Variants in KL observed in about 807,000 individuals in gnomAD.
The protein encoded by KL is alpha-klotho.
A neutral mutation model predicts 84.2 loss-of-function variants in KL; 62 were observed. That is an observed-to-expected ratio of 0.74 (90% confidence interval 0.60 to 0.91). The LOEUF (loss-of-function observed/expected upper bound fraction) is 0.91. Among genes scored for constraint, KL ranks in the 40% least tolerant of loss-of-function variants. The probability of loss-of-function intolerance (pLI) is 0.00; values close to 1 mark genes in which losing one functional copy is unlikely to be tolerated. For missense variants in KL, 1,261 were observed against 1,305.7 expected, an observed-to-expected ratio of 0.97 and a Z score of 0.53; for synonymous variants, 528 against 528.0, an observed-to-expected ratio of 1.00 and a Z score of 0.00.
chr13:33,024,016 T>C (rs1240510266), intron 1 of KL, among the ~76,000 whole-genome samples: 1 of 152,194 alleles, frequency 6.6e-6, no homozygotes, highest in Admixed American at 6.5e-5. Context: ...CCCTTGATTT[T>C]CTCTTTCATA....
rs894318349 is a variant in KL at position 33,037,950 on chromosome 13, C to G, written c.820-15817C>G. Among the ~76,000 whole-genome samples, 12 of 152,296 alleles carry G rather than the reference C, an allele frequency of 7.9e-5. No homozygotes were observed. The South Asian group carries it at 2.5e-3, about 32-fold the overall frequency. On this transcript the variant is annotated intron_variant, in intron 1 of 4. Transcript: ENST00000380099. ...ACTAATGCACCATGCTCTTTTTATT[C>G]TGCACTTCCAAACATCTCTCAGATT... is the stretch of plus-strand genomic sequence containing the variant.
At chr13:33,025,525 G>A (rs1870741632) in intron 1 of KL, among the ~76,000 whole-genome samples, 1 of 152,288 alleles carries the variant, frequency 6.6e-6, no homozygotes, top group Non-Finnish European at 1.5e-5. Context: ...GTCAGTACAG[G>A]TGAGACAGTG....
intron 1 of KL, among the ~76,000 whole-genome samples, chr13:33,038,730 A>G (rs534000260): frequency 3.6e-4 from 55 of 152,352 alleles, no homozygotes; most frequent in African/African-American, 1.2e-3. Flanking sequence ...TAGGAAATCA[A>G]TAAGTAATCA....
At position 33,053,768 on chromosome 13, in the gene KL, C is replaced by T. The variant is rs760955806; in HGVS notation, c.821C>T (p.Ala274Val). 5 of 1,613,990 alleles carry T rather than the reference C, an allele frequency of 3.1e-6. No individual in the cohort carries two copies. In the African/African-American group the frequency reaches 5.3e-5, roughly 17 times the overall value. ...GYLVAHNLLL[A>V]HAKVWHLYNT... ...TTGCCATGGTTTTTCTCTTCATAGG[C>T]TCATGCCAAAGTCTGGCATCTCTAC... is the stretch of plus-strand genomic sequence containing the variant. The change falls in exon 2 of 5, where the codon GCT becomes GTT. Residue 274 changes from alanine to valine, a missense_variant and splice_region_variant. By Grantham distance (64) the Ala-to-Val change is moderately conservative. Transcript: ENST00000380099.
rs748656762 is a variant in KL, at chr13:33,061,272, G to C, written c.2193G>C (p.Gln731His). Reference sequence around the variant, plus strand: ...ATGGGAAAATATCCATAGCCTTGCAGGCTGATTGGATAGAACCTGCCTGCC... The same window carrying C: ...ATGGGAAAATATCCATAGCCTTGCACGCTGATTGGATAGAACCTGCCTGCC... ...AQNGKISIAL[Q>H]ADWIEPACPF... The change falls in exon 4 of 5, where the codon CAG becomes CAC. Residue 731 changes from glutamine (Q) to histidine (H), a missense_variant. Gln to His is a conservative substitution (Grantham distance 24, BLOSUM62 0). Coordinates refer to ENST00000380099, the MANE Select transcript of KL (RefSeq NM_004795.4). 1 of 1,614,238 alleles carries C rather than the reference G, an allele frequency of 6.2e-7. No individual in the cohort carries two copies. Among genetic ancestry groups the C allele is most frequent in the South Asian group, 1.1e-5 (1 of 91,078 alleles).
At chr13:33,048,976 C>T (rs971529942) in intron 1 of KL, among the ~76,000 whole-genome samples, 1 of 152,090 alleles carries the variant, frequency 6.6e-6, no homozygotes, top group East Asian at 1.9e-4. Context: ...GAAGGAATTC[C>T]AGATCCATTT....
intron 1 of KL, among the ~76,000 whole-genome samples, chr13:33,033,935 T>C (rs967947101): frequency 1.3e-5 from 2 of 149,882 alleles, no homozygotes; most frequent in African/African-American, 5.0e-5. Context: ...TATAAAAGCA[T>C]TTTTTTTTAA....
At chr13:33,062,838 A>C (rs1305444669) in intron 4 of KL, among the ~76,000 whole-genome samples, 1 of 152,050 alleles carries the variant, frequency 6.6e-6, no homozygotes, top group African/African-American at 2.4e-5. Context: ...TTGTAAGGGG[A>C]CCAAGCGAGG....
chr13:33,017,202 C>T lies in KL; in HGVS notation c.762C>T (p.Ala254=), dbSNP rs768221192. Residue 254 remains alanine, a synonymous_variant, in exon 1 of 5, where the codon GCC becomes GCT. Coordinates refer to ENST00000380099, the MANE Select transcript of KL (RefSeq NM_004795.4). ...ACGGCTACGCCACCGGGCGCCTGGC[C>T]CCCGGCATCCGGGGCAGCCCGCGGC... ...AWHGYATGRL[A]PGIRGSPRLG... The T allele has an allele frequency of 5.6e-6, 9 of 1,596,594 alleles. No homozygotes were observed. Among genetic ancestry groups the T allele is most frequent in the Non-Finnish European group, 5.9e-6 (7 of 1,178,546 alleles).
At chr13:33,036,126 T>C (rs919122265) in intron 1 of KL, among the ~76,000 whole-genome samples, 1 of 152,190 alleles carries the variant, frequency 6.6e-6, no homozygotes, top group Non-Finnish European at 1.5e-5. Context: ...CGGATTCTTA[T>C]AGAATCTCAA....
chr13:33,045,824 G>C (rs613201), intron 1 of KL, among the ~76,000 whole-genome samples: 116,570 of 152,094 alleles, frequency 0.77, 44,781 homozygotes, highest in Middle Eastern at 0.81. Flanking sequence ...CTTTCTAGTC[G>C]TAGTTTTCTG....
In KL at chr13:33,064,393, T is replaced by C. The variant is rs987811592; in HGVS notation, c.*207T>C. ...ATGCGAATAGTGCCTGAATTTGTTC[T>C]CTTTTTGGGTGATTAAAAAACTGAC... On this transcript the variant is annotated 3_prime_UTR_variant, in exon 5 of 5. Coordinates refer to ENST00000380099, the MANE Select transcript of KL (RefSeq NM_004795.4). 3 of 476,752 alleles carry C rather than the reference T, an allele frequency of 6.3e-6. No homozygotes were observed. Among genetic ancestry groups the C allele is most frequent in the Non-Finnish European group, 3.7e-6 (1 of 268,776 alleles). 29.5% of individuals were successfully genotyped at this position (476,752 alleles called of 1,614,324 possible).
chr13:33,033,631 G>T lies in KL; in HGVS notation c.819+16372G>T, dbSNP rs1342810205. Among the ~76,000 whole-genome samples, 3 of 152,034 alleles carry T rather than the reference G, an allele frequency of 2.0e-5. No homozygotes were observed. In the East Asian group the frequency reaches 5.9e-4, roughly 30 times the overall value. The stretch of plus-strand genomic sequence containing the variant: ...ACTTTCCTTAAGTCTATGGTCACAA[G>T]CTCCTTCTCAAAGGAGGCACACCTC... On this transcript the variant is annotated intron_variant, in intron 1 of 4. Transcript: ENST00000380099.
chr13:33,018,778 C>T (rs775475080), intron 1 of KL, among the ~76,000 whole-genome samples: 2 of 152,096 alleles, frequency 1.3e-5, no homozygotes, highest in African/African-American at 2.4e-5. Flanking sequence ...ATAGATCATG[C>T]CCATAAAATC....
intron 1 of KL, among the ~76,000 whole-genome samples, chr13:33,048,541 G>A (rs1180658400): frequency 2.0e-5 from 3 of 152,172 alleles, no homozygotes; most frequent in African/African-American, 4.8e-5. Flanking sequence ...GGACAGCCAA[G>A]GATCCTTGGG....
At chr13:33,028,070 G>T (rs552029868) in intron 1 of KL, among the ~76,000 whole-genome samples, 1 of 152,196 alleles carries the variant, frequency 6.6e-6, no homozygotes, top group African/African-American at 2.4e-5. Flanking sequence ...TGATGGGGAC[G>T]CCTTGAGCCA....
At position 33,019,910 on chromosome 13, in the gene KL, G is replaced by C. The variant is rs1300506243; in HGVS notation, c.819+2651G>C. Among the ~76,000 whole-genome samples the C allele has an allele frequency of 2.0e-5, 3 of 152,208 alleles. No individual in the cohort carries two copies. The South Asian group carries it at 6.2e-4, about 32-fold the overall frequency. On this transcript the variant is annotated intron_variant, in intron 1 of 4. Transcript: ENST00000380099. ...CTCGGACTTGAAGACCAACTGCTCAGCCTTCACAGCTCTTGAAACAAAGTT... is the reference window on the plus strand; with the variant it reads ...CTCGGACTTGAAGACCAACTGCTCACCCTTCACAGCTCTTGAAACAAAGTT...
At chr13:33,027,620 T>C (rs932083420) in intron 1 of KL, among the ~76,000 whole-genome samples, 2 of 152,224 alleles carry the variant, frequency 1.3e-5, no homozygotes, top group Non-Finnish European at 2.9e-5. Flanking sequence ...CAGAAAGCAT[T>C]CAATTCCATC....
chr13:33,048,759 CCTTCCACCCACCATTT>C (rs1871632771), intron 1 of KL, among the ~76,000 whole-genome samples: 1 of 152,198 alleles, frequency 6.6e-6, no homozygotes, highest in Non-Finnish European at 1.5e-5. Flanking sequence ...TCACCTGTTT[CCTTCCACCCACCATTT>C]AAAAGCAGCT....
Sources: allele counts gnomAD v4.1 joint callset (sites outside exome capture counted in the v4.1 genomes callset), GRCh38; gene constraint gnomAD v4.1.1; transcripts MANE v1.5; gene names NCBI Gene and HGNC (gene_info 2026-07-23, HGNC 2026-07-21).